Variants in RBM20 observed in about 807,000 individuals in gnomAD.
RBM20 encodes the protein RNA binding motif protein 20.
A neutral mutation model predicts 110.1 loss-of-function variants in RBM20; 51 were observed. That is an observed-to-expected ratio of 0.46 (90% CI 0.37 to 0.59). RBM20 has a LOEUF of 0.59. Among genes scored for constraint, RBM20 ranks in the 20% least tolerant of loss-of-function variants. The probability of loss-of-function intolerance (pLI) is 0.00; values close to 1 mark genes in which losing one functional copy is unlikely to be tolerated. For missense variants in RBM20, 1,512 were observed against 1,574.9 expected (o/e 0.96, Z 0.68); for synonymous variants, 589 against 618.2 (o/e 0.95, Z 0.70).
chr10:110,699,571 C>G (rs191918505), intron 1 of RBM20, among the ~76,000 whole-genome samples: 9 of 151,702 alleles, frequency 5.9e-5, no homozygotes, highest in South Asian at 2.1e-4. Flanking sequence ...TGCACACAGC[C>G]GTTTAAAAAA....
intron 1 of RBM20, among the ~76,000 whole-genome samples, chr10:110,697,298 C>T (rs1238820610): frequency 2.6e-5 from 4 of 152,240 alleles, no homozygotes; most frequent in Non-Finnish European, 5.9e-5. Flanking sequence ...GGCTGTTCCC[C>T]ACTGCTCACT....
intron 5 of RBM20, among the ~76,000 whole-genome samples, chr10:110,793,140 A>G (rs1844505164): frequency 6.6e-6 from 1 of 152,192 alleles, no homozygotes; most frequent in South Asian, 2.1e-4. Context: ...TGGGGAAACT[A>G]AGGCTCAGAA....
At chr10:110,654,041 G>A (rs1293968829) in intron 1 of RBM20, among the ~76,000 whole-genome samples, 1 of 152,072 alleles carries the variant, frequency 6.6e-6, no homozygotes, top group African/African-American at 2.4e-5. Flanking sequence ...TAACATGGCG[G>A]CCACCGGATT....
At position 110,657,833 on chromosome 10, in the gene RBM20, A is replaced by C. The variant is rs535297772; in HGVS notation, c.191+13188A>C. On this transcript the variant is annotated intron_variant, in intron 1 of 13. Transcript: ENST00000369519. ...CATATCTTTCAGCTTCTCTTGGGTAAATTTCTAGGCCAATGATATTTTAAC... is the reference window on the plus strand; with the variant it reads ...CATATCTTTCAGCTTCTCTTGGGTACATTTCTAGGCCAATGATATTTTAAC... Among the ~76,000 whole-genome samples, 14 of 152,308 alleles carry C rather than the reference A, an allele frequency of 9.2e-5. No individual in the cohort carries two copies. The East Asian group carries it at 2.1e-3, about 23-fold the overall frequency.
At chr10:110,826,474 T>C (rs1215635974) in intron 12 of RBM20, among the ~76,000 whole-genome samples, 4 of 152,176 alleles carry the variant, frequency 2.6e-5, no homozygotes. Flanking sequence ...TTTCTAGAGT[T>C]TTATATAAAG....
intron 1 of RBM20, among the ~76,000 whole-genome samples, chr10:110,689,485 C>T (rs1040681506): frequency 4.6e-5 from 7 of 152,186 alleles, no homozygotes; most frequent in Non-Finnish European, 7.3e-5. Flanking sequence ...CTCTATTGGC[C>T]GGAGCTCAGG....
intron 1 of RBM20, among the ~76,000 whole-genome samples, chr10:110,668,563 AC>A (rs916001630): frequency 6.6e-6 from 1 of 151,898 alleles, no homozygotes; most frequent in African/African-American, 2.4e-5. Context: ...AATGGCCCCA[AC>A]ATACCAAGGG....
Position 110,812,896 on chromosome 10 carries a change from A to G in RBM20, c.2499A>G (p.Arg833=), listed in dbSNP as rs1844793544. Reference sequence around the variant, plus strand: ...AAAATAAAACCAAGAGAACTGATAGAGACCAAGAAGGAGCTGATGATAGAA... The same window carrying G: ...AAAATAAAACCAAGAGAACTGATAGGGACCAAGAAGGAGCTGATGATAGAA... ...NEKNKTKRTD[R]DQEGADDRKE... is the part of the protein sequence containing the mutation. The change falls in exon 9 of 14, where the codon AGA becomes AGG. Residue 833 remains arginine (R), a synonymous_variant. Transcript: ENST00000369519. 6.8e-7 allele frequency: 1 copy of G among 1,460,824 alleles called. No homozygotes were observed. Among genetic ancestry groups the G allele is most frequent in the Non-Finnish European group, 9.0e-7 (1 of 1,106,218 alleles). The allele number at this position is 1,460,824 out of a possible 1,614,324, so 90.5% of individuals were successfully genotyped here. A position where few individuals can be genotyped will look rare whatever the true frequency, so the allele number is the denominator to read the frequency against.
intron 6 of RBM20, among the ~76,000 whole-genome samples, chr10:110,797,932 C>A (rs971325643): frequency 2.4e-4 from 37 of 152,186 alleles, no homozygotes; most frequent in African/African-American, 8.2e-4. Flanking sequence ...TAATTGGCAC[C>A]CAAAATAAAA....
chr10:110,666,288 T>G (rs1263016971), intron 1 of RBM20, among the ~76,000 whole-genome samples: 1 of 152,176 alleles, frequency 6.6e-6, no homozygotes, highest in Non-Finnish European at 1.5e-5. Flanking sequence ...ACTTGGCCAG[T>G]TCTGTTTTCA....
intron 1 of RBM20, among the ~76,000 whole-genome samples, chr10:110,687,172 A>G (rs1862517824): frequency 6.6e-6 from 1 of 152,280 alleles, no homozygotes; most frequent in African/African-American, 2.4e-5. Flanking sequence ...AAACACAGTG[A>G]AAAGCTGAGT....
intron 1 of RBM20, among the ~76,000 whole-genome samples, chr10:110,660,418 A>G (rs567399277): frequency 1.3e-5 from 2 of 152,054 alleles, no homozygotes; most frequent in East Asian, 1.9e-4. Context: ...AGGATCCCCA[A>G]CCCCCAGGCC....
rs116908219 is a variant in RBM20 at position 110,823,536 on chromosome 10, G to A, written c.3373G>A (p.Glu1125Lys). The change falls in exon 12 of 14, where the codon GAA becomes AAA. Residue 1125 changes from glutamate (E) to lysine (K), a missense_variant. Transcript: ENST00000369519. The part of the protein sequence containing the change: ...SLEVRSPEYT[E>K]VELKQPLSLP... ...GGAGGTGAGGTCACCAGAGTACACT[G>A]AAGTGGAACTGAAACAGCCCCTTTC... The A allele has an allele frequency of 3.8e-3, 5,809 of 1,545,238 alleles. 20 individuals are homozygous for A. The highest frequency in any genetic ancestry group is 4.5e-3 in the Middle Eastern group (27 of 5,966).
At chr10:110,730,947 C>G (rs1464979094) in intron 1 of RBM20, among the ~76,000 whole-genome samples, 1 of 152,212 alleles carries the variant, frequency 6.6e-6, no homozygotes, top group Non-Finnish European at 1.5e-5. Context: ...GCACACAGCA[C>G]CAATCGCTTC....
At chr10:110,669,786 T>TTAG (rs1862232904) in intron 1 of RBM20, among the ~76,000 whole-genome samples, 1 of 152,172 alleles carries the variant, frequency 6.6e-6, no homozygotes, top group South Asian at 2.1e-4. Context: ...GTCTGTCCAG[T>TTAG]TAGTAAAAGG....
intron 1 of RBM20, among the ~76,000 whole-genome samples, chr10:110,746,934 C>T (rs1362826960): frequency 6.6e-6 from 1 of 152,042 alleles, no homozygotes; most frequent in Non-Finnish European, 1.5e-5. Flanking sequence ...AATTCTATAC[C>T]ACTTCTTTTT....
intron 11 of RBM20, among the ~76,000 whole-genome samples, chr10:110,822,881 C>G (rs1045239645): frequency 6.6e-6 from 1 of 152,080 alleles, no homozygotes; most frequent in African/African-American, 2.4e-5. Context: ...CTTCTTGTTG[C>G]TAGAGAAACC....
intron 5 of RBM20, among the ~76,000 whole-genome samples, chr10:110,791,781 T>C (rs1844486785): frequency 6.6e-6 from 1 of 152,128 alleles, no homozygotes; most frequent in Admixed American, 6.5e-5. Flanking sequence ...GGCTAAAGCC[T>C]CCCTGAGGCT....
chr10:110,795,655 A>C (rs1844540766), intron 5 of RBM20, among the ~76,000 whole-genome samples: 4 of 152,226 alleles, frequency 2.6e-5, no homozygotes, highest in Admixed American at 2.6e-4. Context: ...GTAGAAGTTC[A>C]GTTTAACATA....
Sources: allele counts gnomAD v4.1 joint callset (sites outside exome capture counted in the v4.1 genomes callset), GRCh38; gene constraint gnomAD v4.1.1; transcripts MANE v1.5; gene names NCBI Gene and HGNC (gene_info 2026-07-23, HGNC 2026-07-21).